The following PTPRZ1 variants were observed in gnomAD, a reference collection of about 807,000 sequenced individuals.
The protein encoded by PTPRZ1 is protein tyrosine phosphatase receptor type Z1, also known as receptor-type tyrosine-protein phosphatase zeta.
In PTPRZ1, 82 loss-of-function variants were observed where a neutral mutation model predicts 214.1. That is an observed-to-expected ratio of 0.38 (90% CI 0.32 to 0.46). The LOEUF is 0.46. PTPRZ1 is among the 20% of genes least tolerant of loss of function. PTPRZ1 has a pLI of 1.00. For missense variants in PTPRZ1, 2,603 were observed against 2,748.7 expected (o/e 0.95, Z 1.19); for synonymous variants, 945 against 987.9 (o/e 0.96, Z 0.81).
chr7:121,988,350 C>A (rs1395385939), intron 8 of PTPRZ1, among the ~76,000 whole-genome samples: 2 of 152,030 alleles, frequency 1.3e-5, no homozygotes, highest in African/African-American at 4.8e-5. Flanking sequence ...CATTTTGAGA[C>A]AGCAATGAAA....
At chr7:121,950,492 T>C (rs1158801128) in intron 2 of PTPRZ1, among the ~76,000 whole-genome samples, 4 of 152,208 alleles carry the variant, frequency 2.6e-5, no homozygotes, top group Non-Finnish European at 5.9e-5. Context: ...TCCAAGATAG[T>C]AGGCTTGCAA....
chr7:122,014,673 C>T (rs1007288986), intron 12 of PTPRZ1, among the ~76,000 whole-genome samples: 1 of 152,096 alleles, frequency 6.6e-6, no homozygotes, highest in African/African-American at 2.4e-5. Context: ...CTCCTGACCT[C>T]GTGATCCACC....
intron 1 of PTPRZ1, among the ~76,000 whole-genome samples, chr7:121,904,706 G>C (rs1795068464): frequency 6.6e-6 from 1 of 152,078 alleles, no homozygotes; most frequent in Admixed American, 6.6e-5. Context: ...ATAGATTCCG[G>C]GGTTTCTAGA....
chr7:121,960,760 C>T (rs1796849832), intron 2 of PTPRZ1, among the ~76,000 whole-genome samples: 2 of 152,046 alleles, frequency 1.3e-5, no homozygotes, highest in African/African-American at 4.8e-5. Context: ...TTTTTTCTGA[C>T]ACATTTCCCC....
chr7:122,051,406 A>G, intron 23 of PTPRZ1, 22 bp from the exon 24 acceptor site: 1 of 1,583,412 alleles, frequency 6.3e-7, no homozygotes, highest in Non-Finnish European at 8.7e-7. Flanking sequence ...TAACCTATAT[A>G]TTTTTTTACT....
chr7:122,016,948 T>C (rs1237443530), intron 12 of PTPRZ1, among the ~76,000 whole-genome samples: 10 of 152,022 alleles, frequency 6.6e-5, no homozygotes, highest in Admixed American at 6.6e-4. Flanking sequence ...ACACACAGAG[T>C]TTCTGGTTCA....
chr7:121,945,554 A>C (rs1034915852), intron 2 of PTPRZ1, among the ~76,000 whole-genome samples: 1 of 152,108 alleles, frequency 6.6e-6, no homozygotes. Context: ...AGGAGGATTC[A>C]CAGTATACCT....
intron 8 of PTPRZ1, among the ~76,000 whole-genome samples, chr7:121,993,825 T>A (rs1200111742): frequency 6.6e-6 from 1 of 152,140 alleles, no homozygotes; most frequent in Non-Finnish European, 1.5e-5. Flanking sequence ...GGCTTTTCTG[T>A]TAATAACATT....
intron 2 of PTPRZ1, among the ~76,000 whole-genome samples, chr7:121,966,133 T>A (rs1023301539): frequency 6.6e-6 from 1 of 152,176 alleles, no homozygotes; most frequent in African/African-American, 2.4e-5. Context: ...CTTCAGGGGA[T>A]GTCAAAGACT....
intron 6 of PTPRZ1, among the ~76,000 whole-genome samples, chr7:121,982,981 G>A (rs1797658079): frequency 6.6e-6 from 1 of 152,124 alleles, no homozygotes; most frequent in African/African-American, 2.4e-5. Flanking sequence ...GTTTCACCGT[G>A]TTAGCCAGGA....
chr7:121,885,937 A>G (rs1794381708), intron 1 of PTPRZ1, among the ~76,000 whole-genome samples: 1 of 152,176 alleles, frequency 6.6e-6, no homozygotes, highest in Non-Finnish European at 1.5e-5. Flanking sequence ...TGCTAATGAT[A>G]ATGACATATA....
At chr7:121,911,138 G>A (rs1563013568) in intron 1 of PTPRZ1, among the ~76,000 whole-genome samples, 2 of 151,968 alleles carry the variant, frequency 1.3e-5, no homozygotes, top group Non-Finnish European at 2.9e-5. Context: ...TCATACCTAA[G>A]AGTAATGAAA....
intron 13 of PTPRZ1, among the ~76,000 whole-genome samples, chr7:122,023,729 GTATAATTTTATA>G (rs1799112046): frequency 8.1e-6 from 1 of 124,208 alleles, no homozygotes; most frequent in Admixed American, 9.4e-5. Context: ...TATATTATAT[GTATAATTTTATA>G]TATAATTATA....
chr7:121,938,895 T>C (rs1367726416), intron 2 of PTPRZ1, among the ~76,000 whole-genome samples: 1 of 151,848 alleles, frequency 6.6e-6, no homozygotes, highest in Non-Finnish European at 1.5e-5. Context: ...ATCTCAATAG[T>C]AGTACCTGCT....
intron 2 of PTPRZ1, among the ~76,000 whole-genome samples, chr7:121,960,581 AT>A (rs1345313446): frequency 2.0e-5 from 3 of 152,134 alleles, no homozygotes; most frequent in Non-Finnish European, 1.5e-5. Flanking sequence ...CTTACAAACA[AT>A]TATAATTATT....
rs1248875496 is a variant in PTPRZ1 at position 121,922,923 on chromosome 7, A to G, written c.59-5233A>G. Among the ~76,000 whole-genome samples, 6 of 152,218 alleles carry G rather than the reference A, an allele frequency of 3.9e-5. No homozygotes were observed. In the East Asian group the frequency reaches 1.2e-3, roughly 29 times the overall value. ...GAAATTTTTCCTCAAAATATATGCA[A>G]CATATGAAATACATTCAATGCCATT... On this transcript the variant is annotated intron_variant, in intron 1 of 29. Transcript: ENST00000393386.
At chr7:121,875,043 GAA>G (rs10562894) in intron 1 of PTPRZ1, among the ~76,000 whole-genome samples, 44,908 of 147,090 alleles carry the variant, frequency 0.31, 6,877 homozygotes, top group South Asian at 0.39. Context: ...GGATCTCTTT[GAA>G]AAAAAAAAAA....
chr7:121,887,912 G>T (rs1013301455), intron 1 of PTPRZ1, among the ~76,000 whole-genome samples: 1 of 152,010 alleles, frequency 6.6e-6, no homozygotes, highest in African/African-American at 2.4e-5. Flanking sequence ...ATTTCTCTCA[G>T]TTCCTTTTAT....
At chr7:121,873,614 G>T in intron 1 of PTPRZ1, 57 bp downstream of exon 1, 1 of 1,592,134 alleles carries the variant, frequency 6.3e-7, no homozygotes. Flanking sequence ...ATGAGGGTGG[G>T]AGCATTTCAG....
Sources: gnomAD v4.1 joint callset for allele counts (sites outside exome capture counted in the v4.1 genomes callset) on GRCh38, gnomAD v4.1.1 for gene constraint, MANE v1.5 for transcripts, NCBI Gene and HGNC (gene_info 2026-07-23, HGNC 2026-07-21) for gene names.